Variants in CA10 observed in about 807,000 individuals in gnomAD.
CA10 encodes carbonic anhydrase 10 (inactive).
Under a neutral mutation model 44.2 loss-of-function variants are expected in CA10, and 14 were observed. That is an observed-to-expected ratio of 0.32 (90% CI 0.21 to 0.50). The LOEUF (loss-of-function observed/expected upper bound fraction) is 0.50. CA10 is among the 20% of genes least tolerant of loss of function. The pLI, the probability that CA10 is intolerant of heterozygous loss-of-function variation, is 0.99. For synonymous variants in CA10, 159 were observed against 141.6 expected (o/e 1.12, Z -0.87); for missense variants, 350 against 409.7 (o/e 0.85, Z 1.26).
intron 3 of CA10, among the ~76,000 whole-genome samples, chr17:51,784,148 T>C (rs1447861368): frequency 2.0e-5 from 3 of 152,174 alleles, no homozygotes; most frequent in African/African-American, 7.2e-5. Flanking sequence ...CCAGACAGCT[T>C]CAGTTACCCA....
At chr17:52,070,059 G>C in intron 2 of CA10, among the ~76,000 whole-genome samples, 1 of 152,122 alleles carries the variant, frequency 6.6e-6, no homozygotes, top group East Asian at 1.9e-4. Context: ...AGAGCCCCAG[G>C]TTCAGTTGCT....
At chr17:52,005,623 T>C (rs1387579897) in intron 2 of CA10, among the ~76,000 whole-genome samples, 1 of 151,978 alleles carries the variant, frequency 6.6e-6, no homozygotes, top group African/African-American at 2.4e-5. Context: ...ATTTCATGGA[T>C]TGACAATTCT....
intron 4 of CA10, among the ~76,000 whole-genome samples, chr17:51,693,753 G>GC (rs1183421400): frequency 6.6e-6 from 1 of 152,100 alleles, no homozygotes; most frequent in African/African-American, 2.4e-5. Flanking sequence ...CTAATGGGGG[G>GC]CCCCTAGGTT....
chr17:51,783,852 A>T (rs1237723241), intron 3 of CA10, among the ~76,000 whole-genome samples: 1 of 152,146 alleles, frequency 6.6e-6, no homozygotes, highest in Non-Finnish European at 1.5e-5. Context: ...CAGAGAGAGC[A>T]GGTGTGAGGG....
chr17:51,879,492 T>C (rs1032456866), intron 3 of CA10, among the ~76,000 whole-genome samples: 1 of 152,198 alleles, frequency 6.6e-6, no homozygotes, highest in East Asian at 1.9e-4. Context: ...AGCACACTTA[T>C]TTGATAACTC....
chr17:52,124,653 C>A (rs1278525512), intron 1 of CA10, among the ~76,000 whole-genome samples: 1 of 152,146 alleles, frequency 6.6e-6, no homozygotes, highest in Non-Finnish European at 1.5e-5. Flanking sequence ...CCCACAGTAC[C>A]CAAACCATGC....
At chr17:52,017,823 T>G (rs975432659) in intron 2 of CA10, among the ~76,000 whole-genome samples, 6 of 151,988 alleles carry the variant, frequency 3.9e-5, no homozygotes, top group African/African-American at 1.4e-4. Flanking sequence ...GATAAAGACC[T>G]CAAAGGCATT....
chr17:51,996,755 C>T (rs1339185214), intron 2 of CA10, among the ~76,000 whole-genome samples: 1 of 151,824 alleles, frequency 6.6e-6, no homozygotes, highest in Admixed American at 6.6e-5. Flanking sequence ...TTTTTGACAC[C>T]CACCTTGTAA....
At chr17:51,755,224 G>A (rs1249344761) in intron 3 of CA10, among the ~76,000 whole-genome samples, 1 of 152,186 alleles carries the variant, frequency 6.6e-6, no homozygotes, top group South Asian at 2.1e-4. Flanking sequence ...TTATTTTGAT[G>A]TAAATCCCCT....
At chr17:51,726,570 G>A (rs1376433274) in intron 4 of CA10, among the ~76,000 whole-genome samples, 1 of 152,056 alleles carries the variant, frequency 6.6e-6, no homozygotes, top group Admixed American at 6.5e-5. Context: ...TTTTAAATTT[G>A]CCAGTTGAAA....
chr17:51,668,327 A>G (rs1914282519), intron 4 of CA10, among the ~76,000 whole-genome samples: 1 of 152,180 alleles, frequency 6.6e-6, no homozygotes, highest in Admixed American at 6.5e-5. Flanking sequence ...AGAGAGAGAG[A>G]GAGAAACCCA....
At chr17:51,675,338 T>C (rs891509000) in intron 4 of CA10, among the ~76,000 whole-genome samples, 2 of 152,058 alleles carry the variant, frequency 1.3e-5, no homozygotes, top group African/African-American at 4.8e-5. Context: ...GGCGGGTGGA[T>C]CACCTGAGGT....
chr17:51,654,909 C>A (rs1400616102), intron 4 of CA10, among the ~76,000 whole-genome samples: 3 of 151,888 alleles, frequency 2.0e-5, no homozygotes, highest in Non-Finnish European at 4.4e-5. Context: ...CGTGATGCCC[C>A]CCCCACCACC....
Position 51,807,139 on chromosome 17 carries a change from C to T in CA10, c.280-59321G>A, listed in dbSNP as rs376523187. Reference sequence around the variant, plus strand: ...TAGTGGCTCTTGGAAAGAAATGCCACGTCTGGGACACTTGGGCATTTCCCT... The same window carrying T: ...TAGTGGCTCTTGGAAAGAAATGCCATGTCTGGGACACTTGGGCATTTCCCT... On this transcript the variant is annotated intron_variant, in intron 3 of 8. Transcript: ENST00000451037. Among the ~76,000 whole-genome samples, 86 of 152,308 alleles carry T rather than the reference C, an allele frequency of 5.6e-4. 1 individual carries two copies. The highest frequency in any genetic ancestry group is 1.8e-3 in the African/African-American group (75 of 41,558).
At chr17:51,746,083 T>C (rs1178891152) in intron 4 of CA10, among the ~76,000 whole-genome samples, 2 of 152,134 alleles carry the variant, frequency 1.3e-5, no homozygotes, top group Admixed American at 6.5e-5. Context: ...TAATCAATCC[T>C]AGTATTTTTT....
intron 4 of CA10, among the ~76,000 whole-genome samples, chr17:51,682,596 C>T: frequency 6.6e-6 from 1 of 152,162 alleles, no homozygotes; most frequent in East Asian, 1.9e-4. Flanking sequence ...ATTCAAAAAA[C>T]CCAGCGGATT....
rs146910103 is a variant in CA10, at chr17:52,145,024, C to T, written c.61+12702G>A. 8.6e-3 allele frequency among the ~76,000 whole-genome samples: 1,304 copies of T among 152,228 alleles called. 29 individuals carry two copies. The highest frequency in any genetic ancestry group is 0.03 in the African/African-American group (1,238 of 41,538). On this transcript the variant is annotated intron_variant, in intron 1 of 8. Transcript: ENST00000451037. ...GGTTAAATAGTAAGATAAGGTATAA[C>T]GTATAATGTTTTCGATGAATGCTCT... is the stretch of plus-strand genomic sequence containing the variant.
At chr17:52,044,711 T>C (rs1986863144) in intron 2 of CA10, among the ~76,000 whole-genome samples, 1 of 152,094 alleles carries the variant, frequency 6.6e-6, no homozygotes, top group African/African-American at 2.4e-5. Context: ...ATGAGATTAG[T>C]AGCAGATTAA....
At chr17:51,778,007 T>TTGGCTCAC (rs1366802265) in intron 3 of CA10, among the ~76,000 whole-genome samples, 1 of 152,186 alleles carries the variant, frequency 6.6e-6, no homozygotes, top group African/African-American at 2.4e-5. Flanking sequence ...TGAGGCAGGA[T>TTGGCTCAC]TGGCTCACAG....
Sources: gnomAD v4.1 joint callset for allele counts (sites outside exome capture counted in the v4.1 genomes callset) on GRCh38, gnomAD v4.1.1 for gene constraint, MANE v1.5 for transcripts, NCBI Gene and HGNC (gene_info 2026-07-23, HGNC 2026-07-21) for gene names.